IL32: variants seen among roughly 807,000 people sequenced by gnomAD.
IL32 encodes interleukin 32.
Under a neutral mutation model 16.6 loss-of-function variants are expected in IL32, and 30 were observed. The observed-to-expected ratio is 1.81, with a 90% CI of 1.35 to 2.45. The LOEUF (loss-of-function observed/expected upper bound fraction) is 2.45. Ranked by LOEUF, IL32 falls within the 30% of genes most tolerant of loss-of-function variation. IL32 has a pLI of 0.00. For synonymous variants in IL32, 70 were observed against 86.1 expected, an observed-to-expected ratio of 0.81 and a Z score of 1.03; for missense variants, 234 against 229.8, an observed-to-expected ratio of 1.02 and a Z score of -0.12.
At chr16:3,065,914 T>C in intron 2 of IL32, 88 bp downstream of exon 2, 1 of 1,506,432 alleles carries the variant, frequency 6.6e-7, no homozygotes, top group Non-Finnish European at 9.2e-7. Context: ...CCGAGGTGCC[T>C]GTGTGTCAGG....
At chr16:3,065,888 G>T (rs1956254768) in intron 2 of IL32, 62 bp downstream of exon 2, 3 of 1,597,400 alleles carry the variant, frequency 1.9e-6, no homozygotes, top group South Asian at 2.2e-5. Flanking sequence ...AAGGGTGCGG[G>T]TGCCCTCAGT....
chr16:3,067,734 T>C (rs1355869053), intron 4 of IL32, 121 bp downstream of exon 4: 12 of 910,212 alleles, frequency 1.3e-5, no homozygotes, highest in Non-Finnish European at 1.7e-5. Flanking sequence ...CCCCTTACCG[T>C]GGGCAAATGC....
chr16:3,068,694 G>C, intron 6 of IL32: 1 of 471,128 alleles, frequency 2.1e-6, no homozygotes, highest in South Asian at 2.1e-5. Flanking sequence ...TGACAGCCTA[G>C]CTGGGACCTG....
intron 4 of IL32, 66 bp downstream of exon 4, chr16:3,067,679 G>C (rs774315939): frequency 1.6e-6 from 2 of 1,229,842 alleles, no homozygotes; most frequent in South Asian, 1.2e-5. Context: ...ACCCTGTGTG[G>C]GGCTCAGGGT....
At chr16:3,068,632 T>C (rs1956706670) in intron 6 of IL32, 1 of 415,822 alleles carries the variant, frequency 2.4e-6, no homozygotes, top group Non-Finnish European at 4.5e-6. Flanking sequence ...TGTCTTGATG[T>C]GGTGTGGGCA....
chr16:3,067,735 G>A (rs1226766324), intron 4 of IL32, 122 bp downstream of exon 4: 2 of 908,674 alleles, frequency 2.2e-6, no homozygotes, highest in African/African-American at 1.6e-5. Flanking sequence ...CCCTTACCGT[G>A]GGCAAATGCT....
At chr16:3,066,640 G>C (rs1193144273) in intron 2 of IL32, among the ~76,000 whole-genome samples, 2 of 152,176 alleles carry the variant, frequency 1.3e-5, no homozygotes, top group Non-Finnish European at 2.9e-5. Flanking sequence ...GAATGGCCCG[G>C]GACCTGTGGG....
At chr16:3,066,912 G>T (rs913483980) in intron 2 of IL32, among the ~76,000 whole-genome samples, 1 of 150,694 alleles carries the variant, frequency 6.6e-6, no homozygotes, top group Non-Finnish European at 1.5e-5. Flanking sequence ...GGACACCCCG[G>T]CCCACGCAGG....
At chr16:3,068,815 A>T in intron 6 of IL32, 175 bp from the exon 7 acceptor site, 1 of 1,013,828 alleles carries the variant, frequency 9.9e-7, no homozygotes, top group Non-Finnish European at 1.4e-6. Context: ...AGGTGAATGC[A>T]GAGGAGGGGG....
At chr16:3,068,582 A>T (rs1321569111) in intron 6 of IL32, 1 of 411,664 alleles carries the variant, frequency 2.4e-6, no homozygotes, top group Admixed American at 3.7e-5. Context: ...AAGTGCTGAG[A>T]TTACAGGCAT....
chr16:3,065,625 G>GTAT, upstream of IL32: 4 of 714,218 alleles, frequency 5.6e-6, no homozygotes, highest in Admixed American at 4.1e-5. Flanking sequence ...AACCAGCTGA[G>GTAT]TATTTGTGCC....
At chr16:3,065,886 G>A (rs1332189327) in intron 2 of IL32, 60 bp downstream of exon 2, 11 of 1,601,206 alleles carry the variant, frequency 6.9e-6, no homozygotes, top group South Asian at 3.3e-5. Flanking sequence ...GTAAGGGTGC[G>A]GGTGCCCTCA....
intron 4 of IL32, 32 bp downstream of exon 4, chr16:3,067,645 C>A (rs1956540498): frequency 2.0e-6 from 3 of 1,496,086 alleles, no homozygotes; most frequent in East Asian, 2.3e-5. Flanking sequence ...CACCAGGTCA[C>A]ATGTCCCCGC....
At chr16:3,068,147 C>T (rs751385413) in intron 5 of IL32, 33 bp from the exon 6 acceptor site, 4 of 1,602,584 alleles carry the variant, frequency 2.5e-6, no homozygotes, top group Admixed American at 3.4e-5. Context: ...CAGGCAGGAG[C>T]AGCATGAACC....
intron 6 of IL32, chr16:3,068,767 G>C: frequency 8.8e-6 from 6 of 678,068 alleles, no homozygotes; most frequent in South Asian, 7.8e-5. Flanking sequence ...CCCTGACCTG[G>C]TGACCAAGCA....
chr16:3,068,820 A>AG (rs1956732563), intron 6 of IL32, among the ~76,000 whole-genome samples, 170 bp from the exon 7 acceptor site: 1 of 152,090 alleles, frequency 6.6e-6, no homozygotes, highest in Non-Finnish European at 1.5e-5. Flanking sequence ...AATGCAGAGG[A>AG]GGGGGACTCT....
chr16:3,067,645 C>T (rs1956540498), intron 4 of IL32, 32 bp downstream of exon 4: 1 of 1,496,086 alleles, frequency 6.7e-7, no homozygotes, highest in East Asian at 2.3e-5. Context: ...CACCAGGTCA[C>T]ATGTCCCCGC....
In IL32 at chr16:3,068,224, TGAG is replaced by T. The variant is rs1567147284; in HGVS notation, c.190_192del (p.Glu64del). The stretch of plus-strand genomic sequence containing the variant: ...ACCTGGAGACAGTGGCGGCTTATTA[TGAG>T]GAGCAGCACCCAGTGAGTATGACAC... On this transcript the variant is annotated inframe_deletion, in exon 6 of 7. Transcript: ENST00000525643. The T allele has an allele frequency of 6.3e-7, 1 of 1,598,684 alleles. No individual in the cohort carries two copies. The highest frequency in any genetic ancestry group is 8.5e-7 in the Non-Finnish European group (1 of 1,172,412).
chr16:3,067,720 C>A, intron 4 of IL32, 107 bp downstream of exon 4: 1 of 968,250 alleles, frequency 1.0e-6, no homozygotes, highest in Non-Finnish European at 1.6e-6. Flanking sequence ...CACAGGCTCC[C>A]TCACCCCTTA....
Sources: gnomAD v4.1 joint callset for allele counts (sites outside exome capture counted in the v4.1 genomes callset) on GRCh38, gnomAD v4.1.1 for gene constraint, MANE v1.5 for transcripts, NCBI Gene and HGNC (gene_info 2026-07-23, HGNC 2026-07-21) for gene names.